The following MTHFD2L variants were observed in gnomAD, a reference collection of about 807,000 sequenced individuals.
The protein encoded by MTHFD2L is methylenetetrahydrofolate dehydrogenase (NADP+ dependent) 2 like, also known as bifunctional methylenetetrahydrofolate dehydrogenase/cyclohydrolase 2, mitochondrial.
In MTHFD2L, 29 loss-of-function variants were observed where a neutral mutation model predicts 34.9. That is an observed-to-expected ratio of 0.83 (90% CI 0.62 to 1.13). MTHFD2L has a LOEUF of 1.13. Ranked by LOEUF, MTHFD2L falls within the 50% of genes most tolerant of loss-of-function variation. MTHFD2L has a pLI of 0.00. For synonymous variants in MTHFD2L, 167 were observed against 155.7 expected, an observed-to-expected ratio of 1.07 and a Z score of -0.54; for missense variants, 481 against 446.5, an observed-to-expected ratio of 1.08 and a Z score of -0.70.
Position 74,170,329 on chromosome 4 carries a change from T to C in MTHFD2L, c.144-4177T>C, listed in dbSNP as rs140812205. 4.4e-3 allele frequency among the ~76,000 whole-genome samples: 666 copies of C among 152,294 alleles called. 1 individual carries two copies. The highest frequency in any genetic ancestry group is 6.9e-3 in the Admixed American group (106 of 15,298). ...GCAAGTTTGATTTAACATTTGAAAATTGATCAGTTACCATATTAACAGACT... is the reference window on the plus strand; with the variant it reads ...GCAAGTTTGATTTAACATTTGAAAACTGATCAGTTACCATATTAACAGACT... On this transcript the variant is annotated intron_variant, in intron 1 of 7. Coordinates refer to ENST00000325278, the MANE Select transcript of MTHFD2L (RefSeq NM_001144978.3).
intron 1 of MTHFD2L, chr4:74,161,155 A>G (rs750324052): frequency 1.3e-5 from 2 of 152,188 alleles, no homozygotes; most frequent in Non-Finnish European, 2.9e-5. Flanking sequence ...TAATTTTTGC[A>G]GCTAGACCAC....
intron 1 of MTHFD2L, among the ~76,000 whole-genome samples, chr4:74,162,918 C>T (rs1725778151): frequency 6.6e-6 from 1 of 152,080 alleles, no homozygotes; most frequent in Non-Finnish European, 1.5e-5. Flanking sequence ...TCTCATACAA[C>T]TTTTGTGAAT....
intron 6 of MTHFD2L, among the ~76,000 whole-genome samples, chr4:74,255,030 G>T (rs1458832835): frequency 6.6e-6 from 1 of 151,132 alleles, no homozygotes; most frequent in Admixed American, 6.6e-5. Flanking sequence ...AGCTACTCGG[G>T]AGGCTGAGGC....
At chr4:74,276,722 A>G (rs960076388) in intron 6 of MTHFD2L, among the ~76,000 whole-genome samples, 1 of 152,122 alleles carries the variant, frequency 6.6e-6, no homozygotes. Context: ...GAGCAACTAT[A>G]TGCTTCCGAT....
chr4:74,212,875 T>G (rs950979435), intron 5 of MTHFD2L, among the ~76,000 whole-genome samples: 1 of 152,202 alleles, frequency 6.6e-6, no homozygotes, highest in Non-Finnish European at 1.5e-5. Flanking sequence ...ATCTGGGTGC[T>G]CCTGTATTGG....
At chr4:74,223,555 A>G (rs868116007) in intron 5 of MTHFD2L, among the ~76,000 whole-genome samples, 1 of 152,072 alleles carries the variant, frequency 6.6e-6, no homozygotes, top group African/African-American at 2.4e-5. Flanking sequence ...AATCTGTACA[A>G]TAAACCCTCG....
intron 1 of MTHFD2L, among the ~76,000 whole-genome samples, chr4:74,165,339 A>T (rs1726449102): frequency 6.6e-6 from 1 of 152,120 alleles, no homozygotes; most frequent in Admixed American, 6.6e-5. Flanking sequence ...ATTTTCTGAA[A>T]AAAGTTAATA....
chr4:74,141,668 C>T (rs1010906053), intron 1 of MTHFD2L, among the ~76,000 whole-genome samples: 2 of 152,150 alleles, frequency 1.3e-5, no homozygotes, highest in African/African-American at 4.8e-5. Flanking sequence ...AATTACCTAA[C>T]CTTTTAGTGT....
At chr4:74,237,903 C>T (rs1182800810) in intron 6 of MTHFD2L, among the ~76,000 whole-genome samples, 1 of 152,136 alleles carries the variant, frequency 6.6e-6, no homozygotes, top group African/African-American at 2.4e-5. Context: ...AATACCATTG[C>T]TTTACTTTCT....
chr4:74,236,946 G>A (rs1017148455), intron 6 of MTHFD2L, among the ~76,000 whole-genome samples: 1 of 151,976 alleles, frequency 6.6e-6, no homozygotes, highest in Non-Finnish European at 1.5e-5. Context: ...ATTATATGAA[G>A]TTGTACTTTA....
intron 1 of MTHFD2L, among the ~76,000 whole-genome samples, chr4:74,127,681 G>A (rs551645094): frequency 1.1e-4 from 16 of 152,128 alleles, no homozygotes; most frequent in African/African-American, 3.6e-4. Flanking sequence ...TACATATTTT[G>A]TCTATTGTGA....
intron 1 of MTHFD2L, among the ~76,000 whole-genome samples, chr4:74,145,327 T>C (rs1001904087): frequency 6.6e-6 from 1 of 152,162 alleles, no homozygotes; most frequent in African/African-American, 2.4e-5. Flanking sequence ...TTATAAGTAA[T>C]CTAGAGATGA....
rs562280457 is a variant in MTHFD2L, at chr4:74,256,727, G to T, written c.806-24698G>T. Among the ~76,000 whole-genome samples, 19 of 152,230 alleles carry T rather than the reference G, an allele frequency of 1.2e-4. No individual in the cohort carries two copies. In the South Asian group the frequency reaches 3.7e-3, roughly 30 times the overall value. On this transcript the variant is annotated intron_variant, in intron 6 of 7. Coordinates refer to ENST00000325278, the MANE Select transcript of MTHFD2L (RefSeq NM_001144978.3). ...ATCAAATGATTGTCAGTGGGGAAAC[G>T]TATAACTATTTGCTATAATCAAATA...
chr4:74,162,121 G>A (rs926783015), intron 1 of MTHFD2L: 4 of 152,076 alleles, frequency 2.6e-5, no homozygotes, highest in African/African-American at 4.8e-5. Context: ...ATTCAGGGCG[G>A]GATATTATCC....
chr4:74,267,057 T>G (rs1745366755), intron 6 of MTHFD2L: 6 of 985,158 alleles, frequency 6.1e-6, no homozygotes, highest in African/African-American at 1.7e-5. Flanking sequence ...CTAATATACC[T>G]CTCCTTGCTT....
chr4:74,145,176 A>C (rs528160783), intron 1 of MTHFD2L, among the ~76,000 whole-genome samples: 11 of 152,008 alleles, frequency 7.2e-5, no homozygotes, highest in African/African-American at 2.4e-4. Flanking sequence ...AAAAAAAAAA[A>C]CCCAAATCAT....
chr4:74,117,826 C>T (rs183378276), intron 2 of MTHFD2L, among the ~76,000 whole-genome samples: 2 of 152,294 alleles, frequency 1.3e-5, no homozygotes, highest in Admixed American at 1.3e-4. Flanking sequence ...ACTCTATGCT[C>T]AACCCTAATT....
chr4:74,217,344 A>G (rs10023777), intron 5 of MTHFD2L, among the ~76,000 whole-genome samples: 136,014 of 151,770 alleles, frequency 0.9, 62,688 homozygotes, highest in Non-Finnish European at 0.99. Flanking sequence ...TTTATAATTT[A>G]TGTATTCATT....
chr4:74,190,966 T>A (rs769716788), intron 3 of MTHFD2L, among the ~76,000 whole-genome samples: 1 of 152,156 alleles, frequency 6.6e-6, no homozygotes, highest in African/African-American at 2.4e-5. Context: ...AGTGGTGTGA[T>A]CTTGGCTCAC....
Sources: allele counts gnomAD v4.1 joint callset (sites outside exome capture counted in the v4.1 genomes callset), GRCh38; gene constraint gnomAD v4.1.1; transcripts MANE v1.5; gene names NCBI Gene and HGNC (gene_info 2026-07-23, HGNC 2026-07-21).